The following NUP85 variants were observed in gnomAD, a reference collection of about 807,000 sequenced individuals.
The protein encoded by NUP85 is nucleoporin 85, also known as nuclear pore complex protein Nup85.
NUP85 carries 23 observed loss-of-function variants against 92.8 expected under a neutral mutation model. The ratio of observed to expected loss-of-function variants is 0.25; its 90% CI spans 0.18 to 0.35. NUP85 has a LOEUF of 0.35. Among genes scored for constraint, NUP85 ranks in the 10% least tolerant of loss-of-function variants. The probability of loss-of-function intolerance (pLI) is 1.00; values close to 1 mark genes in which losing one functional copy is unlikely to be tolerated. For synonymous variants in NUP85, 314 were observed against 306.9 expected, an observed-to-expected ratio of 1.02 and a Z score of -0.24; for missense variants, 759 against 822.8, an observed-to-expected ratio of 0.92 and a Z score of 0.95.
chr17:75,211,490 G>C (rs1250657484), intron 3 of NUP85, among the ~76,000 whole-genome samples: 1 of 147,324 alleles, frequency 6.8e-6, no homozygotes, highest in Admixed American at 6.8e-5. Context: ...GCAATGGCAT[G>C]ATCTTGGCTC....
intron 6 of NUP85, among the ~76,000 whole-genome samples, chr17:75,216,882 C>T (rs1444105601): frequency 1.3e-5 from 2 of 151,938 alleles, no homozygotes; most frequent in Non-Finnish European, 1.5e-5. Flanking sequence ...CATTTTATTT[C>T]ATTTTATTTT....
rs532653370 is a variant in NUP85 at position 75,229,372 on chromosome 17, AC to A, written c.1095-1967del. Among the ~76,000 whole-genome samples the A allele has an allele frequency of 9.9e-5, 15 of 152,276 alleles. No homozygotes were observed. In the South Asian group the frequency reaches 3.1e-3, roughly 32 times the overall value. On this transcript the variant is annotated intron_variant, in intron 11 of 18. Transcript: ENST00000245544. ...GAGTTGACAGTGACCTTAGTACAGG[AC>A]AAACAGCTCATTTGGGGCTACAGTT... is the stretch of plus-strand genomic sequence containing the variant.
intron 17 of NUP85, 41 bp from the exon 18 acceptor site, chr17:75,235,059 A>G: frequency 6.6e-7 from 1 of 1,516,046 alleles, no homozygotes; most frequent in Non-Finnish European, 9.2e-7. Context: ...AATGCAGGCC[A>G]GGGCTGGGGG....
At position 75,231,046 on chromosome 17, in the gene NUP85, C is replaced by T. The variant is rs965599428; in HGVS notation, c.1095-294C>T. The T allele has an allele frequency of 2.8e-6, 1 of 359,640 alleles. No individual in the cohort carries two copies. Among genetic ancestry groups the T allele is most frequent in the Non-Finnish European group, 5.3e-6 (1 of 190,066 alleles). 22.3% of individuals were successfully genotyped at this position (359,640 alleles called of 1,614,324 possible). ...TCCCAGGCTCAAGCAATACTCCCACCCCAGCTTCTCGAGTAGCTGGGATTA... is the reference window on the plus strand; with the variant it reads ...TCCCAGGCTCAAGCAATACTCCCACTCCAGCTTCTCGAGTAGCTGGGATTA... On this transcript the variant is annotated intron_variant, in intron 11 of 18. Coordinates refer to ENST00000245544, the MANE Select transcript of NUP85 (RefSeq NM_024844.5). This position sits in a 1 kb window ranked among gnomAD's most constrained non-coding sequence, Gnocchi z 4.6.
intron 11 of NUP85, among the ~76,000 whole-genome samples, chr17:75,226,358 T>A (rs1378670426): frequency 6.6e-6 from 1 of 152,136 alleles, no homozygotes; most frequent in African/African-American, 2.4e-5. Flanking sequence ...TTCTGGAGGC[T>A]AGGAAGTCCA....
At chr17:75,232,042 C>T (rs2056907328) in intron 14 of NUP85, 63 bp downstream of exon 14, 3 of 1,575,468 alleles carry the variant, frequency 1.9e-6, no homozygotes, top group African/African-American at 1.3e-5. Flanking sequence ...ATCCTGAGGT[C>T]ACACTTTATG....
At chr17:75,214,249 T>C (rs1249628836) in intron 5 of NUP85, among the ~76,000 whole-genome samples, 1 of 152,194 alleles carries the variant, frequency 6.6e-6, no homozygotes, top group Non-Finnish European at 1.5e-5. Flanking sequence ...TAGATACTTT[T>C]CAAAGTCAGT....
intron 5 of NUP85, among the ~76,000 whole-genome samples, 178 bp downstream of exon 5, chr17:75,213,297 G>C (rs2075328537): frequency 6.6e-6 from 1 of 151,620 alleles, no homozygotes; most frequent in Non-Finnish European, 1.5e-5. Context: ...ACAAGGAAGT[G>C]CTTGTTAAAT....
At chr17:75,219,328 G>T (rs1177519728) in intron 7 of NUP85, among the ~76,000 whole-genome samples, 7 of 152,188 alleles carry the variant, frequency 4.6e-5, no homozygotes, top group Non-Finnish European at 1.0e-4. Context: ...CTGGGCGGGA[G>T]TGCAGTGATG....
At chr17:75,228,933 C>A in intron 11 of NUP85, 2 of 985,434 alleles carry the variant, frequency 2.0e-6, no homozygotes, top group Non-Finnish European at 2.4e-6. Context: ...TGACTGCTAA[C>A]CCCTTAGCTG....
intron 6 of NUP85, among the ~76,000 whole-genome samples, chr17:75,217,631 T>A (rs368903754): frequency 1.3e-5 from 2 of 151,656 alleles, no homozygotes; most frequent in African/African-American, 2.4e-5. Context: ...CTTAGCCACC[T>A]GAGTAGCTGG....
rs2075592377 is a variant in NUP85 at position 75,221,304 on chromosome 17, C to T, written c.597+2998C>T. ...TAGGCTCTCGCCATCCTGCCTGGCT[C>T]ATTTTTTTATTTTTAGTAGAGATGG... is the stretch of plus-strand genomic sequence containing the variant. On this transcript the variant is annotated intron_variant, in intron 7 of 18. Transcript: ENST00000245544. Among the ~76,000 whole-genome samples, 7 of 151,922 alleles carry T rather than the reference C, an allele frequency of 4.6e-5. No individual in the cohort carries two copies. The South Asian group carries it at 1.5e-3, about 32-fold the overall frequency.
rs1469773862 is a variant in NUP85 at position 75,220,951 on chromosome 17, G to A, written c.597+2645G>A. Among the ~76,000 whole-genome samples, 5 of 141,550 alleles carry A rather than the reference G, an allele frequency of 3.5e-5. No individual in the cohort carries two copies. The South Asian group carries it at 6.8e-4, about 19-fold the overall frequency. The allele number at this position is 141,550 out of a possible 152,430, so 92.9% of individuals were successfully genotyped here. A position where few individuals can be genotyped will look rare whatever the true frequency, so the allele number is the denominator to read the frequency against. ...GGCTGGAGTGCAGTGGCACGATCTC[G>A]GCTCGCTGCAAGCTCCGCCTCCCGG... On this transcript the variant is annotated intron_variant, in intron 7 of 18. Transcript: ENST00000245544.
chr17:75,219,384 C>T (rs1321039982), intron 7 of NUP85, among the ~76,000 whole-genome samples: 3 of 152,158 alleles, frequency 2.0e-5, no homozygotes, highest in Non-Finnish European at 2.9e-5. Flanking sequence ...TCAAGCAATC[C>T]TCCCACCTCA....
intron 7 of NUP85, among the ~76,000 whole-genome samples, chr17:75,219,339 C>T (rs1423431764): frequency 1.3e-4 from 20 of 152,098 alleles, no homozygotes; most frequent in Admixed American, 1.2e-3. Context: ...TGCAGTGATG[C>T]GATCATGGCA....
At chr17:75,221,531 C>T (rs948773825) in intron 7 of NUP85, among the ~76,000 whole-genome samples, 3 of 152,116 alleles carry the variant, frequency 2.0e-5, no homozygotes, top group Non-Finnish European at 2.9e-5. Flanking sequence ...CCACTGTGCC[C>T]GGTCACTAGG....
chr17:75,221,444 T>A (rs922935000), intron 7 of NUP85, among the ~76,000 whole-genome samples: 1 of 151,970 alleles, frequency 6.6e-6, no homozygotes, highest in African/African-American at 2.4e-5. Flanking sequence ...CAGCCAAATT[T>A]TTTTATTTTT....
At chr17:75,232,778 G>A (rs943288169) in intron 14 of NUP85, 73 bp from the exon 15 acceptor site, 26 of 1,350,260 alleles carry the variant, frequency 1.9e-5, no homozygotes, top group South Asian at 9.4e-5. Context: ...AGGCCACTCC[G>A]GTCCCCACAG....
intron 3 of NUP85, among the ~76,000 whole-genome samples, chr17:75,211,516 T>C (rs2075259889): frequency 6.6e-6 from 1 of 151,068 alleles, no homozygotes; most frequent in Admixed American, 6.6e-5. Flanking sequence ...AACCTCCGCC[T>C]GCCGGGTTCA....
Sources: gnomAD v4.1 joint callset for allele counts (sites outside exome capture counted in the v4.1 genomes callset) on GRCh38, gnomAD v4.1.1 for gene constraint, Gnocchi (gnomAD v3.1) non-coding constraint, MANE v1.5 for transcripts, NCBI Gene and HGNC (gene_info 2026-07-23, HGNC 2026-07-21) for gene names.